Variants in LTBP1 observed in about 807,000 individuals in gnomAD.
LTBP1 encodes the protein latent-transforming growth factor beta-binding protein 1.
In LTBP1, 129 loss-of-function variants were observed where a neutral mutation model predicts 207.6. The observed-to-expected ratio is 0.62, with a 90% confidence interval of 0.54 to 0.72. LTBP1 has a LOEUF of 0.72. Ranked by LOEUF, LTBP1 falls within the 30% of genes least tolerant of loss-of-function variation. The pLI, the probability that LTBP1 is intolerant of heterozygous loss-of-function variation, is 0.00. For missense variants in LTBP1, 2,281 were observed against 2,217.2 expected (o/e 1.03, Z -0.58); for synonymous variants, 963 against 833.7 (o/e 1.16, Z -2.67).
chr2:33,330,762 CT>C lies in LTBP1; in HGVS notation c.3731-12065del, dbSNP rs553767860. On this transcript the variant is annotated intron_variant, in intron 24 of 33. Coordinates refer to ENST00000404816, the MANE Select transcript of LTBP1 (RefSeq NM_206943.4). ...TATAATACAGGGACCCAGACAATAT[CT>C]TTTTTTTTTTGCTTTGTTCTTCCGG... 3.9e-3 allele frequency among the ~76,000 whole-genome samples: 475 copies of C among 122,286 alleles called. 3 individuals carry two copies. Among genetic ancestry groups the C allele is most frequent in the African/African-American group, 0.013 (427 of 33,710 alleles). The allele number at this position is 122,286 out of a possible 152,430, so 80.2% of individuals were successfully genotyped here.
In LTBP1 at chr2:33,135,000, G is replaced by T. The variant is rs559418648; in HGVS notation, c.1201+40G>T. On this transcript the variant is annotated intron_variant, in intron 5 of 33. Transcript: ENST00000404816. The surrounding 1 kb of genome is among the most constrained non-coding windows in gnomAD (Gnocchi z 4.4). ...GGTCCCTAACTGTCCTTACTGAGTC[G>T]AGTTTTATGAGATTGTAGCATTTAG... The T allele has an allele frequency of 5.2e-6, 8 of 1,530,862 alleles. No individual in the cohort carries two copies. Among genetic ancestry groups the T allele is most frequent in the South Asian group, 5.1e-5 (4 of 78,098 alleles). 94.8% of individuals were successfully genotyped at this position (1,530,862 alleles called of 1,614,324 possible).
At chr2:33,329,255 G>A (rs2094466035) in intron 24 of LTBP1, among the ~76,000 whole-genome samples, 1 of 152,120 alleles carries the variant, frequency 6.6e-6, no homozygotes, top group South Asian at 2.1e-4. Flanking sequence ...CCCTTGTGAA[G>A]ATATATCTTT....
chr2:33,131,635 G>A (rs1056746689), intron 4 of LTBP1, among the ~76,000 whole-genome samples: 3 of 152,212 alleles, frequency 2.0e-5, no homozygotes, highest in African/African-American at 7.2e-5. Flanking sequence ...CATGGAGATG[G>A]GAGGACCCGC....
intron 5 of LTBP1, among the ~76,000 whole-genome samples, chr2:33,172,725 C>T (rs1225914800): frequency 2.0e-5 from 3 of 152,172 alleles, no homozygotes; most frequent in African/African-American, 7.2e-5. Context: ...TGCACAACAC[C>T]TATTCCAAAA....
At chr2:33,205,198 C>T (rs545304977) in intron 7 of LTBP1, among the ~76,000 whole-genome samples, 108 of 152,364 alleles carry the variant, frequency 7.1e-4, no homozygotes, top group African/African-American at 2.4e-3. Flanking sequence ...GTATCAGTTT[C>T]TCTGAAAAGC....
At chr2:33,151,361 C>T (rs187346697) in intron 5 of LTBP1, among the ~76,000 whole-genome samples, 3 of 152,278 alleles carry the variant, frequency 2.0e-5, no homozygotes, top group Admixed American at 6.5e-5. Context: ...ATTTTATATT[C>T]CCACCAGCAG....
intron 3 of LTBP1, among the ~76,000 whole-genome samples, chr2:33,103,946 A>G (rs1057482384): frequency 1.2e-4 from 18 of 152,152 alleles, no homozygotes; most frequent in African/African-American, 4.1e-4. Context: ...ACTCCTGATT[A>G]TAAAACTAAG....
chr2:32,994,424 A>G (rs1684922632), intron 2 of LTBP1, among the ~76,000 whole-genome samples: 1 of 151,922 alleles, frequency 6.6e-6, no homozygotes, highest in East Asian at 1.9e-4. Context: ...AGATTATACC[A>G]TCTGTTAACC....
chr2:33,275,762 T>C (rs2093413138), intron 17 of LTBP1, 39 bp from the exon 18 acceptor site: 3 of 1,613,084 alleles, frequency 1.9e-6, no homozygotes, highest in African/African-American at 2.7e-5. Context: ...AAACAGTATT[T>C]GGAACACAAA....
At chr2:33,171,836 G>GA (rs1275124281) in intron 5 of LTBP1, among the ~76,000 whole-genome samples, 1 of 151,406 alleles carries the variant, frequency 6.6e-6, no homozygotes, top group African/African-American at 2.4e-5. Context: ...AGCCAGAAGA[G>GA]AGTGGGGGCC....
chr2:32,988,276 C>T (rs1481403757), intron 2 of LTBP1, among the ~76,000 whole-genome samples: 1 of 152,178 alleles, frequency 6.6e-6, no homozygotes, highest in Non-Finnish European at 1.5e-5. Flanking sequence ...GAAAATTGTA[C>T]ACTCTTTTGA....
intron 5 of LTBP1, among the ~76,000 whole-genome samples, chr2:33,149,612 C>G (rs964335235): frequency 1.3e-5 from 2 of 152,160 alleles, no homozygotes; most frequent in Non-Finnish European, 2.9e-5. Context: ...ATGAGATGAT[C>G]ACATTGGATT....
At position 33,365,907 on chromosome 2, in the gene LTBP1, G is replaced by C. The variant is rs115310202; in HGVS notation, c.4711+404G>C. On this transcript the variant is annotated intron_variant, in intron 31 of 33. Transcript: ENST00000404816. Reference sequence around the variant, plus strand: ...CGGTAGAAAATCATTCTAGGTCAAAGTCCAAATTTTCATGTCAATCTCTGT... The same window carrying C: ...CGGTAGAAAATCATTCTAGGTCAAACTCCAAATTTTCATGTCAATCTCTGT... Among the ~76,000 whole-genome samples, 3 of 152,272 alleles carry C rather than the reference G, an allele frequency of 2.0e-5. No homozygotes were observed. The South Asian group carries it at 6.2e-4, about 32-fold the overall frequency.
rs372879903 is a variant in LTBP1, at chr2:33,004,642, G to T, written c.566-16267G>T. Among the ~76,000 whole-genome samples the T allele has an allele frequency of 9.9e-5, 15 of 151,194 alleles. No individual in the cohort carries two copies. In the South Asian group the frequency reaches 3.2e-3, roughly 32 times the overall value. On this transcript the variant is annotated intron_variant, in intron 2 of 33. Transcript: ENST00000404816. The stretch of plus-strand genomic sequence containing the variant: ...TACAAAAAATTAGCCAGGCTTGTTG[G>T]TGCGTGACTGTAATCCCAGCTACTC...
chr2:33,214,946 T>C (rs1207112279), intron 7 of LTBP1, among the ~76,000 whole-genome samples: 1 of 152,098 alleles, frequency 6.6e-6, no homozygotes, highest in Admixed American at 6.5e-5. Flanking sequence ...CCTGCTTTTA[T>C]ATTAGGGAAG....
At chr2:33,110,964 A>C (rs2080366028) in intron 4 of LTBP1, among the ~76,000 whole-genome samples, 1 of 152,172 alleles carries the variant, frequency 6.6e-6, no homozygotes, top group South Asian at 2.1e-4. Context: ...TTGGAAATGA[A>C]TCCGAAGTGA....
At chr2:33,106,001 T>C (rs1319257375) in intron 3 of LTBP1, among the ~76,000 whole-genome samples, 2 of 152,236 alleles carry the variant, frequency 1.3e-5, no homozygotes, top group Non-Finnish European at 2.9e-5. Context: ...TTATGTAATA[T>C]TAGAAATCCC....
intron 15 of LTBP1, among the ~76,000 whole-genome samples, chr2:33,269,399 G>A (rs950110713): frequency 6.6e-6 from 1 of 152,172 alleles, no homozygotes; most frequent in African/African-American, 2.4e-5. Flanking sequence ...GAGGTTTTCA[G>A]GGAGCAGATA....
At chr2:33,369,634 C>T (rs935153252) in intron 31 of LTBP1, among the ~76,000 whole-genome samples, 15 of 152,158 alleles carry the variant, frequency 9.9e-5, no homozygotes, top group Non-Finnish European at 1.5e-4. Context: ...CTCAGCTCAG[C>T]GCAACCTCCA....
Sources: gnomAD v4.1 joint callset for allele counts (sites outside exome capture counted in the v4.1 genomes callset) on GRCh38, gnomAD v4.1.1 for gene constraint, Gnocchi (gnomAD v3.1) non-coding constraint, MANE v1.5 for transcripts, NCBI Gene and HGNC (gene_info 2026-07-23, HGNC 2026-07-21) for gene names.